RPE65: variants seen among roughly 807,000 people sequenced by gnomAD.
RPE65 encodes the protein retinoid isomerohydrolase.
Under a neutral mutation model 68.5 loss-of-function variants are expected in RPE65, and 58 were observed. The ratio of observed to expected loss-of-function variants is 0.85; its 90% CI spans 0.69 to 1.05. The LOEUF (loss-of-function observed/expected upper bound fraction) is 1.05, where lower values mean the gene tolerates loss of function less well. Among genes scored for constraint, RPE65 ranks in the 50% least tolerant of loss-of-function variants. The pLI, the probability that RPE65 is intolerant of heterozygous loss-of-function variation, is 0.00. For synonymous variants in RPE65, 220 were observed against 222.2 expected (o/e 0.99, Z 0.09); for missense variants, 643 against 629.9 (o/e 1.02, Z -0.22).
intron 10 of RPE65, among the ~76,000 whole-genome samples, chr1:68,436,217 T>C (rs1645861701): frequency 6.6e-6 from 1 of 152,014 alleles, no homozygotes. Flanking sequence ...ATTTGGTGAG[T>C]ATTTTGGGAA....
In RPE65 at chr1:68,431,108, T is replaced by C. The variant is rs762977154; in HGVS notation, c.1407A>G (p.Glu469=). Residue 469 remains glutamate, a synonymous_variant, in exon 13 of 14, where the codon GAA becomes GAG. Coordinates refer to ENST00000262340, the MANE Select transcript of RPE65 (RefSeq NM_000329.3). ...VWQEPDSYPS[E]PIFVSHPDAL... ...CATCTGGGTGAGAAACAAAGATGGG[T>C]TCTGATGGGTATGAATCAGGCTCTT... is the stretch of plus-strand genomic sequence containing the variant. 6 of 1,613,822 alleles carry C rather than the reference T, an allele frequency of 3.7e-6. No homozygotes were observed. In the East Asian group the frequency reaches 1.1e-4, roughly 30 times the overall value.
chr1:68,444,471 T>C, intron 5 of RPE65, 60 bp downstream of exon 5: 1 of 1,592,212 alleles, frequency 6.3e-7, no homozygotes, highest in Non-Finnish European at 8.6e-7. Flanking sequence ...TAATTTATGT[T>C]GAATTAATTT....
chr1:68,441,377 T>C (rs1645901118), intron 5 of RPE65, among the ~76,000 whole-genome samples: 1 of 152,152 alleles, frequency 6.6e-6, no homozygotes, highest in Non-Finnish European at 1.5e-5. Flanking sequence ...CATTTAATAA[T>C]TGCTGATTTC....
At chr1:68,436,307 G>A (rs1338595193) in intron 10 of RPE65, among the ~76,000 whole-genome samples, 1 of 152,060 alleles carries the variant, frequency 6.6e-6, no homozygotes, top group Non-Finnish European at 1.5e-5. Context: ...CTCTCTCCAT[G>A]ATCTTTCTTT....
rs1169420841 is a variant in RPE65 at position 68,438,958 on chromosome 1, G to A, written c.982C>T (p.Leu328Phe). The A allele has an allele frequency of 3.1e-6, 5 of 1,614,064 alleles. No homozygotes were observed. The highest frequency in any genetic ancestry group is 2.2e-5 in the South Asian group (2 of 91,076). ...CTTTCTTACCCTTTCCAGCAGCAGA[G>A]ATCCACAATCAGAAACCCATTGTCT... ...YEDNGFLIVD[L>F]CCWKGFEFVY... Residue 328 changes from leucine to phenylalanine, a missense_variant, in exon 9 of 14, where the codon CTC (leucine) becomes TTC (phenylalanine). Transcript: ENST00000262340.
In RPE65 at chr1:68,439,612, A is replaced by C. The variant is rs1338162249; in HGVS notation, c.674T>G (p.Ile225Ser). 1.2e-6 allele frequency: 2 copies of C among 1,613,920 alleles called. No individual in the cohort carries two copies. Among genetic ancestry groups the C allele is most frequent in the Non-Finnish European group, 1.7e-6 (2 of 1,179,836 alleles). The change falls in exon 7 of 14, where the codon ATC becomes AGC. Residue 225 changes from isoleucine to serine, a missense_variant. By Grantham distance (142) the Ile-to-Ser change is moderately radical (BLOSUM62 -2). Transcript: ENST00000262340. ...DKEDPISKSE[I>S]VVQFPCSDRF... is the part of the protein sequence containing the mutation. ...GTCACTGCAGGGGAATTGTACAACGATCTCTGACTTGCTTATTGGATCTTC... is the reference window on the plus strand; with the variant it reads ...GTCACTGCAGGGGAATTGTACAACGCTCTCTGACTTGCTTATTGGATCTTC...
Position 68,439,069 on chromosome 1 carries a change from T to C in RPE65, c.871A>G (p.Ile291Val), listed in dbSNP as rs199824408. The C allele has an allele frequency of 1.9e-5, 30 of 1,614,044 alleles. No homozygotes were observed. In the African/African-American group the frequency reaches 3.5e-4, roughly 19 times the overall value. ...TACTTTTTCCTTTTTTTGTCAGCAA[T>C]ATGAAGCCAAACCTTGAAAAATGAG... The part of the protein sequence containing the change: ...SNETMGVWLH[I>V]ADKKRKKYLN... The change falls in exon 9 of 14, where the codon ATT (isoleucine) becomes GTT (valine). Residue 291 changes from isoleucine (I) to valine (V), a missense_variant. By Grantham distance (29) the Ile-to-Val change is conservative (BLOSUM62 3). Transcript: ENST00000262340.
chr1:68,435,624 C>T (rs1044425924), intron 10 of RPE65, among the ~76,000 whole-genome samples: 17 of 152,170 alleles, frequency 1.1e-4, no homozygotes, highest in Non-Finnish European at 1.6e-4. Flanking sequence ...ATTCTCTCTG[C>T]GTATCTCCCT....
chr1:68,445,184 A>G (rs1645933489), intron 3 of RPE65, among the ~76,000 whole-genome samples: 1 of 152,082 alleles, frequency 6.6e-6, no homozygotes, highest in Non-Finnish European at 1.5e-5. Flanking sequence ...CCAGAGCAGG[A>G]CAACATGAAC....
At chr1:68,438,048 A>G in intron 10 of RPE65, 139 bp downstream of exon 10, 2 of 1,001,190 alleles carry the variant, frequency 2.0e-6, no homozygotes, top group Non-Finnish European at 2.9e-6. Flanking sequence ...AAATGAAGGA[A>G]GTTTAATTAG....
Position 68,429,644 on chromosome 1 carries a change from A to T in RPE65, c.*132T>A. On this transcript the variant is annotated 3_prime_UTR_variant, in exon 14 of 14. Coordinates refer to ENST00000262340, the MANE Select transcript of RPE65 (RefSeq NM_000329.3). Reference sequence around the variant, plus strand: ...CTCAACTCAGTGCTTTCTGTAAAACATTGCAAAATTGTGCGCATCTGCAAG... The same window carrying T: ...CTCAACTCAGTGCTTTCTGTAAAACTTTGCAAAATTGTGCGCATCTGCAAG... The T allele has an allele frequency of 1.9e-6, 2 of 1,066,508 alleles. No individual in the cohort carries two copies. Among genetic ancestry groups the T allele is most frequent in the South Asian group, 2.7e-5 (2 of 73,360 alleles). 66.1% of individuals were successfully genotyped at this position (1,066,508 alleles called of 1,614,324 possible). A position where few individuals can be genotyped will look rare whatever the true frequency, so the allele number is the denominator to read the frequency against.
chr1:68,448,543 A>G (rs1645958656), intron 2 of RPE65, 81 bp downstream of exon 2: 1 of 1,324,572 alleles, frequency 7.5e-7, no homozygotes, highest in South Asian at 1.2e-5. Flanking sequence ...GGGAGTCTGC[A>G]CTGAGAGACG....
chr1:68,431,080 A>C lies in RPE65; in HGVS notation c.1435T>G (p.Leu479Val), dbSNP rs373882259. The change falls in exon 13 of 14, where the codon TTG (leucine) becomes GTG (valine). Residue 479 changes from leucine (L) to valine (V), a missense_variant. Transcript: ENST00000262340. ...CTTTCATTACCATCATCTTCTTCCA[A>C]GGCATCTGGGTGAGAAACAAAGATG... ...EPIFVSHPDA[L>V]EEDDGVVLSV... 1 of 1,613,596 alleles carries C rather than the reference A, an allele frequency of 6.2e-7. No individual in the cohort carries two copies. Among genetic ancestry groups the C allele is most frequent in the South Asian group, 1.1e-5 (1 of 91,072 alleles).
chr1:68,443,971 C>T (rs1158233692), intron 5 of RPE65, among the ~76,000 whole-genome samples: 1 of 152,130 alleles, frequency 6.6e-6, no homozygotes, highest in Non-Finnish European at 1.5e-5. Flanking sequence ...CAAATTAGTG[C>T]AACATACTTG....
At chr1:68,439,440 A>G in intron 7 of RPE65, 117 bp from the exon 8 acceptor site, 1 of 1,551,670 alleles carries the variant, frequency 6.4e-7, no homozygotes, top group South Asian at 1.1e-5. Context: ...CATGAAATTA[A>G]TTATGTTTAA....
In RPE65 at chr1:68,440,889, C is replaced by T. The variant is rs1645897536; in HGVS notation, c.607G>A (p.Ala203Thr). The change falls in exon 6 of 14, where the codon GCC becomes ACC. Residue 203 changes from alanine to threonine, a missense_variant. Transcript: ENST00000262340. ...GGTGGGATCTTTACAATGTTGTAGG[C>T]AATTGAAAAATTTTTTCCAAAGCAA... is the stretch of plus-strand genomic sequence containing the variant. ...GNCFGKNFSI[A>T]YNIVKIPPLQ... 1 of 1,613,956 alleles carries T rather than the reference C, an allele frequency of 6.2e-7. No homozygotes were observed.
In RPE65 at chr1:68,440,893, T is replaced by C; in HGVS notation, c.603A>G (p.Ser201=). 1 of 1,614,032 alleles carries C rather than the reference T, an allele frequency of 6.2e-7. No homozygotes were observed. Among genetic ancestry groups the C allele is most frequent in the Non-Finnish European group, 8.5e-7 (1 of 1,179,928 alleles). ...GGATCTTTACAATGTTGTAGGCAAT[T>C]GAAAAATTTTTTCCAAAGCAATTAC... The part of the protein sequence containing the change: ...NIGNCFGKNF[S]IAYNIVKIPP... Residue 201 remains serine, a synonymous_variant, in exon 6 of 14, where the codon TCA becomes TCG. Coordinates refer to ENST00000262340, the MANE Select transcript of RPE65 (RefSeq NM_000329.3).
chr1:68,445,344 GT>G (rs1392967993), intron 3 of RPE65, among the ~76,000 whole-genome samples: 1 of 151,978 alleles, frequency 6.6e-6, no homozygotes, highest in African/African-American at 2.4e-5. Flanking sequence ...TTACTTTTAT[GT>G]TTTTCTTCAA....
At chr1:68,433,923 G>A (rs973816325) in intron 10 of RPE65, among the ~76,000 whole-genome samples, 3 of 151,998 alleles carry the variant, frequency 2.0e-5, no homozygotes, top group East Asian at 1.9e-4. Flanking sequence ...AATCCTCAAC[G>A]TAGTGAGAGA....
Sources: allele counts gnomAD v4.1 joint callset (sites outside exome capture counted in the v4.1 genomes callset), GRCh38; gene constraint gnomAD v4.1.1; transcripts MANE v1.5; gene names NCBI Gene and HGNC (gene_info 2026-07-23, HGNC 2026-07-21).